Variants in BRIP1 observed in about 807,000 individuals in gnomAD.
The protein encoded by BRIP1 is Fanconi anemia group J protein.
A neutral mutation model predicts 119.7 loss-of-function variants in BRIP1; 88 were observed. The observed-to-expected ratio is 0.74, with a 90% CI of 0.62 to 0.88. The LOEUF is 0.88. BRIP1 is among the 40% of genes least tolerant of loss of function. BRIP1 has a pLI of 0.00. For missense variants in BRIP1, 1,259 were observed against 1,455.4 expected (o/e 0.87, Z 2.20); for synonymous variants, 443 against 496.5 (o/e 0.89, Z 1.43).
At chr17:61,728,335 G>C (rs1477316205) in intron 16 of BRIP1, among the ~76,000 whole-genome samples, 1 of 144,014 alleles carries the variant, frequency 6.9e-6, no homozygotes, top group African/African-American at 2.6e-5. Context: ...AAAAACCCCA[G>C]ACATTTCTTT....
rs979191605 is a variant in BRIP1 at position 61,722,554 on chromosome 17, C to G, written c.2380-6491G>C. 2.0e-5 allele frequency among the ~76,000 whole-genome samples: 3 copies of G among 152,322 alleles called. No individual in the cohort carries two copies. The South Asian group carries it at 6.2e-4, about 32-fold the overall frequency. On this transcript the variant is annotated intron_variant, in intron 16 of 19. Coordinates refer to ENST00000259008, the MANE Select transcript of BRIP1 (RefSeq NM_032043.3). This position sits in a 1 kb window ranked among gnomAD's most constrained non-coding sequence, Gnocchi z 4.6. ...CAAAAATGTAACTAAAGCAGCTTCTCTTCTTTAACAATATTTTCCTCAAAG... is the reference window on the plus strand; with the variant it reads ...CAAAAATGTAACTAAAGCAGCTTCTGTTCTTTAACAATATTTTCCTCAAAG...
intron 14 of BRIP1, among the ~76,000 whole-genome samples, chr17:61,771,646 CAGTT>C (rs1889020701): frequency 6.6e-6 from 1 of 152,068 alleles, no homozygotes; most frequent in African/African-American, 2.4e-5. Context: ...ATAAAAAAAA[CAGTT>C]TGGTGGTTCT....
intron 6 of BRIP1, among the ~76,000 whole-genome samples, chr17:61,838,363 C>A (rs975972176): frequency 4.0e-5 from 6 of 151,548 alleles, no homozygotes; most frequent in African/African-American, 1.5e-4. Context: ...CTGGCTAACA[C>A]GGTGAAACCC....
rs2078370154 is a variant in BRIP1 at position 61,824,141 on chromosome 17, A to G, written c.628-15384T>C. On this transcript the variant is annotated intron_variant, in intron 6 of 19. Transcript: ENST00000259008. This position sits in a 1 kb window ranked among gnomAD's most constrained non-coding sequence, Gnocchi z 4.3. ...AAGATAGAATTTTTAAAGCAGCCAC[A>G]GATTACTCTATAGAAACTATGTAAG... 6.6e-6 allele frequency among the ~76,000 whole-genome samples: 1 copy of G among 152,194 alleles called. No homozygotes were observed. The highest frequency in any genetic ancestry group is 2.4e-5 in the African/African-American group (1 of 41,460).
rs547099811 is a variant in BRIP1 at position 61,745,981 on chromosome 17, G to A, written c.2098-1390C>T. 1.3e-5 allele frequency among the ~76,000 whole-genome samples: 2 copies of A among 152,150 alleles called. No homozygotes were observed. Among genetic ancestry groups the A allele is most frequent in the East Asian group, 1.9e-4 (1 of 5,182 alleles). Reference sequence around the variant, plus strand: ...TAGAGATTATTATTTAAATTGAACTGTTTTATCCACTTGTTATATACTATG... The same window carrying A: ...TAGAGATTATTATTTAAATTGAACTATTTTATCCACTTGTTATATACTATG... On this transcript the variant is annotated intron_variant, in intron 14 of 19. Coordinates refer to ENST00000259008, the MANE Select transcript of BRIP1 (RefSeq NM_032043.3). The surrounding 1 kb of genome is among the most constrained non-coding windows in gnomAD (Gnocchi z 4.4).
intron 6 of BRIP1, among the ~76,000 whole-genome samples, chr17:61,830,979 A>C (rs1275956726): frequency 6.6e-6 from 1 of 152,228 alleles, no homozygotes; most frequent in Admixed American, 6.5e-5. Context: ...TCAAAAACTA[A>C]TCAATGTAAT....
chr17:61,694,639 C>A (rs2061496362), intron 17 of BRIP1, among the ~76,000 whole-genome samples: 1 of 151,960 alleles, frequency 6.6e-6, no homozygotes, highest in South Asian at 2.1e-4. Flanking sequence ...ATTCCCACCA[C>A]CTACGTACAA....
chr17:61,861,364 G>C lies in BRIP1; in HGVS notation c.93+83C>G. 2.2e-6 allele frequency: 2 copies of C among 903,138 alleles called. No homozygotes were observed. Among genetic ancestry groups the C allele is most frequent in the African/African-American group, 1.6e-5 (1 of 60,820 alleles). The allele number at this position is 903,138 out of a possible 1,614,324, so 55.9% of individuals were successfully genotyped here. A position where few individuals can be genotyped will look rare whatever the true frequency, so the allele number is the denominator to read the frequency against. ...AATATTCTCCATTTACTGAGAATATGAATGCAGTCAAATACTCAATGTACT... is the reference window on the plus strand; with the variant it reads ...AATATTCTCCATTTACTGAGAATATCAATGCAGTCAAATACTCAATGTACT... On this transcript the variant is annotated intron_variant, in intron 2 of 19. Coordinates refer to ENST00000259008, the MANE Select transcript of BRIP1 (RefSeq NM_032043.3). The surrounding 1 kb of genome is among the most constrained non-coding windows in gnomAD (Gnocchi z 4.5).
chr17:61,685,836 T>A lies in BRIP1; in HGVS notation c.2905A>T (p.Asn969Tyr). The A allele has an allele frequency of 6.2e-7, 1 of 1,605,522 alleles. No homozygotes were observed. The highest frequency in any genetic ancestry group is 8.5e-7 in the Non-Finnish European group (1 of 1,173,354). ...GGTAAATGGGAAGAACTTTTCATAC[T>A]TTTCTCCTTTCTGGAGATAATGCTA... Reference protein sequence around the residue: ...PSSIISRKEKNDPVFLEEAGK... With the variant: ...PSSIISRKEKYDPVFLEEAGK... The change falls in exon 19 of 20, where the codon AAT becomes TAT. Residue 969 changes from asparagine to tyrosine, a missense_variant and splice_region_variant. Coordinates refer to ENST00000259008, the MANE Select transcript of BRIP1 (RefSeq NM_032043.3).
rs2077225931 is a variant in BRIP1 at position 61,758,208 on chromosome 17, TA to T, written c.2098-13618del. On this transcript the variant is annotated intron_variant, in intron 14 of 19. Coordinates refer to ENST00000259008, the MANE Select transcript of BRIP1 (RefSeq NM_032043.3). The surrounding 1 kb of genome is among the most constrained non-coding windows in gnomAD (Gnocchi z 5.3). ...AATGAAGAACTGTTGACTGAGTTAA[TA>T]ATGTTGGCTAAAATCTGAATGTATA... Among the ~76,000 whole-genome samples the T allele has an allele frequency of 6.6e-6, 1 of 152,228 alleles. No individual in the cohort carries two copies. The highest frequency in any genetic ancestry group is 1.5e-5 in the Non-Finnish European group (1 of 68,030).
At position 61,758,038 on chromosome 17, in the gene BRIP1, A is replaced by T. The variant is rs1285712239; in HGVS notation, c.2098-13447T>A. Among the ~76,000 whole-genome samples, 1 of 152,122 alleles carries T rather than the reference A, an allele frequency of 6.6e-6. No individual in the cohort carries two copies. On this transcript the variant is annotated intron_variant, in intron 14 of 19. Transcript: ENST00000259008. This position sits in a 1 kb window ranked among gnomAD's most constrained non-coding sequence, Gnocchi z 5.3. ...AAGAAAAGAAAACAATAAGAACTCA[A>T]TACTATGTTATGTATGGAACAAATT...
In BRIP1 at chr17:61,834,196, A is replaced by G. The variant is rs982543931; in HGVS notation, c.627+12905T>C. ...ACTATGACCGTGATATATTAGGTGA[A>G]AAATAAAAGCTATATACTATAATCC... On this transcript the variant is annotated intron_variant, in intron 6 of 19. Coordinates refer to ENST00000259008, the MANE Select transcript of BRIP1 (RefSeq NM_032043.3). This position sits in a 1 kb window ranked among gnomAD's most constrained non-coding sequence, Gnocchi z 4.4. Among the ~76,000 whole-genome samples, 1 of 152,182 alleles carries G rather than the reference A, an allele frequency of 6.6e-6. No individual in the cohort carries two copies. Among genetic ancestry groups the G allele is most frequent in the African/African-American group, 2.4e-5 (1 of 41,444 alleles).
At position 61,683,965 on chromosome 17, in the gene BRIP1, C is replaced by T. The variant is rs777660106; in HGVS notation, c.3081G>A (p.Glu1027=). The change falls in exon 20 of 20, where the codon GAG becomes GAA. Residue 1027 remains glutamate, a synonymous_variant. Coordinates refer to ENST00000259008, the MANE Select transcript of BRIP1 (RefSeq NM_032043.3). The surrounding 1 kb of genome is among the most constrained non-coding windows in gnomAD (Gnocchi z 4.7). ...PKATPELGSS[E]NSASSPPRFK... is the part of the protein sequence containing the mutation. Reference sequence around the variant, plus strand: ...AACGGGGAGGACTAGAGGCACTATTCTCTGATGACCCGAGCTCAGGTGTTG... The same window carrying T: ...AACGGGGAGGACTAGAGGCACTATTTTCTGATGACCCGAGCTCAGGTGTTG... 1.2e-5 allele frequency: 19 copies of T among 1,614,140 alleles called. No homozygotes were observed. In the South Asian group the frequency reaches 2.0e-4, roughly 17 times the overall value.
Position 61,804,631 on chromosome 17 carries a change from A to T in BRIP1, c.919-3157T>A, listed in dbSNP as rs938208147. Among the ~76,000 whole-genome samples the T allele has an allele frequency of 2.6e-5, 4 of 151,888 alleles. No individual in the cohort carries two copies. The highest frequency in any genetic ancestry group is 9.7e-5 in the African/African-American group (4 of 41,346). On this transcript the variant is annotated intron_variant, in intron 7 of 19. Coordinates refer to ENST00000259008, the MANE Select transcript of BRIP1 (RefSeq NM_032043.3). This position sits in a 1 kb window ranked among gnomAD's most constrained non-coding sequence, Gnocchi z 4.5. The stretch of plus-strand genomic sequence containing the variant: ...CTTGAACTCCTGACCTCAAGTGCCC[A>T]CCTCAGCCTCCCAGAGTGCTGGCAT...
rs535596494 is a variant in BRIP1 at position 61,829,560 on chromosome 17, C to G, written c.627+17541G>C. On this transcript the variant is annotated intron_variant, in intron 6 of 19. Coordinates refer to ENST00000259008, the MANE Select transcript of BRIP1 (RefSeq NM_032043.3). ...TAGCAAGATAATCAACAAACTTGAC[C>G]TAACTGATTTTTATAAATGAATACC... 4.2e-3 allele frequency among the ~76,000 whole-genome samples: 629 copies of G among 151,280 alleles called. 4 individuals carry two copies. The highest frequency in any genetic ancestry group is 0.01 in the Middle Eastern group (3 of 294).
rs1054876315 is a variant in BRIP1 at position 61,863,309 on chromosome 17, G to C, written c.-56C>G. 1.3e-5 allele frequency: 2 copies of C among 152,098 alleles called. No homozygotes were observed. The highest frequency in any genetic ancestry group is 2.9e-5 in the Non-Finnish European group (2 of 68,064). The allele number at this position is 152,098 out of a possible 1,614,324, so 9.4% of individuals were successfully genotyped here. A position where few individuals can be genotyped will look rare whatever the true frequency, so the allele number is the denominator to read the frequency against. On this transcript the variant is annotated 5_prime_UTR_variant, in exon 1 of 20. Coordinates refer to ENST00000259008, the MANE Select transcript of BRIP1 (RefSeq NM_032043.3). ...CTGTCTGGAGGGAAACCGAAGCAACGCTCTGAGCTCCGATTCACTGAAGAA... is the reference window on the plus strand; with the variant it reads ...CTGTCTGGAGGGAAACCGAAGCAACCCTCTGAGCTCCGATTCACTGAAGAA...
In BRIP1 at chr17:61,780,913, G is replaced by T. The variant is rs377302300; in HGVS notation, c.1721C>A (p.Pro574Gln). Residue 574 changes from proline (P) to glutamine (Q), a missense_variant, in exon 12 of 20, where the codon CCA becomes CAA. Transcript: ENST00000259008. This position sits in a 1 kb window ranked among gnomAD's most constrained non-coding sequence, Gnocchi z 5.4. ...CTGTCGTGAACGTTTCTTATTTTTT[G>T]GTAGAACCAACAACCCATTTTTGTC... ...ISDKNGLLVL[P>Q]KNKKRSRQKT... 6.2e-7 allele frequency: 1 copy of T among 1,614,038 alleles called. No homozygotes were observed. Among genetic ancestry groups the T allele is most frequent in the Non-Finnish European group, 8.5e-7 (1 of 1,179,970 alleles).
In BRIP1 at chr17:61,808,135, A is replaced by G. The variant is rs144779844; in HGVS notation, c.918+332T>C. Among the ~76,000 whole-genome samples, 340 of 152,248 alleles carry G rather than the reference A, an allele frequency of 2.2e-3. 2 individuals carry two copies. The highest frequency in any genetic ancestry group is 4.6e-3 in the Admixed American group (71 of 15,300). On this transcript the variant is annotated intron_variant, in intron 7 of 19. Coordinates refer to ENST00000259008, the MANE Select transcript of BRIP1 (RefSeq NM_032043.3). This position sits in a 1 kb window ranked among gnomAD's most constrained non-coding sequence, Gnocchi z 4.1. ...TATTAATTAGATCTAATTAGACTAA[A>G]CCATTTAAACACTTCTATCTCCTCA...
At chr17:61,812,976 A>T (rs1340890971) in intron 6 of BRIP1, among the ~76,000 whole-genome samples, 1 of 152,148 alleles carries the variant, frequency 6.6e-6, no homozygotes, top group Non-Finnish European at 1.5e-5. Context: ...CCTACCACTC[A>T]CACAAAAAAA....
Sources: allele counts gnomAD v4.1 joint callset (sites outside exome capture counted in the v4.1 genomes callset), GRCh38; gene constraint gnomAD v4.1.1; non-coding constraint Gnocchi (gnomAD v3.1); transcripts MANE v1.5; gene names NCBI Gene and HGNC (gene_info 2026-07-23, HGNC 2026-07-21).